Variants in GPHN observed in about 807,000 individuals in gnomAD.
GPHN encodes the protein gephyrin.
In GPHN, 17 loss-of-function variants were observed where a neutral mutation model predicts 95.5. The ratio of observed to expected loss-of-function variants is 0.18; its 90% CI spans 0.12 to 0.27. The LOEUF (loss-of-function observed/expected upper bound fraction) is 0.27. GPHN is among the 10% of genes least tolerant of loss of function. The pLI is 1.00. For missense variants in GPHN, 660 were observed against 978.1 expected (o/e 0.67, Z 4.34); for synonymous variants, 320 against 322.5 (o/e 0.99, Z 0.08).
At chr14:67,330,178 G>A in the GPHN span, among the ~76,000 whole-genome samples, 3 of 149,242 alleles carry the variant, frequency 2.0e-5, no homozygotes, top group Non-Finnish European at 4.5e-5. Flanking sequence ...TTATCAAAAG[G>A]AATAATCAGA....
chr14:66,579,841 G>T (rs1027743024), intron 1 of GPHN, among the ~76,000 whole-genome samples: 1 of 151,754 alleles, frequency 6.6e-6, no homozygotes, highest in Non-Finnish European at 1.5e-5. Context: ...AATTTGATAT[G>T]TGGACTTCAA....
intron 1 of GPHN, among the ~76,000 whole-genome samples, chr14:66,591,510 T>A (rs560036199): frequency 6.9e-6 from 1 of 143,984 alleles, no homozygotes; most frequent in South Asian, 2.3e-4. Flanking sequence ...TATACATCAA[T>A]AATAGAGAAA....
chr14:67,103,461 T>C (rs930688204), intron 13 of GPHN, among the ~76,000 whole-genome samples: 2 of 151,510 alleles, frequency 1.3e-5, no homozygotes, highest in African/African-American at 4.8e-5. Flanking sequence ...ATGGTCATTT[T>C]CACAGTATTA....
the GPHN span, among the ~76,000 whole-genome samples, chr14:67,440,378 T>C: frequency 6.6e-6 from 1 of 151,896 alleles, no homozygotes; most frequent in Non-Finnish European, 1.5e-5. Flanking sequence ...ACACTGAAAC[T>C]GTTAGCTGTA....
At chr14:67,233,797 C>T in the GPHN span, among the ~76,000 whole-genome samples, 1 of 152,078 alleles carries the variant, frequency 6.6e-6, no homozygotes, top group Non-Finnish European at 1.5e-5. Context: ...TGAAAGAACA[C>T]CTGGATAACT....
rs188486033 is a variant in GPHN, at chr14:66,818,516, G to A, written c.202-5958G>A. 3.0e-3 allele frequency among the ~76,000 whole-genome samples: 455 copies of A among 152,174 alleles called. 3 individuals are homozygous for A. Among genetic ancestry groups the A allele is most frequent in the African/African-American group, 0.011 (437 of 41,498 alleles). On this transcript the variant is annotated intron_variant, in intron 3 of 22. Coordinates refer to ENST00000478722, the MANE Select transcript of GPHN (RefSeq NM_020806.5). Reference sequence around the variant, plus strand: ...TCAGTCTGTCATTGATGGGCATTTGGGTTGTTCCCATGTCTTTGCTATTGT... The same window carrying A: ...TCAGTCTGTCATTGATGGGCATTTGAGTTGTTCCCATGTCTTTGCTATTGT...
chr14:67,388,251 C>G, the GPHN span: 2 of 1,613,364 alleles, frequency 1.2e-6, no homozygotes, highest in Non-Finnish European at 8.5e-7. Context: ...TCTTCCAGAG[C>G]AGACACGAGT....
intron 11 of GPHN, among the ~76,000 whole-genome samples, chr14:67,086,651 A>G (rs1276903793): frequency 2.4e-5 from 3 of 127,200 alleles, no homozygotes; most frequent in Non-Finnish European, 5.4e-5. Flanking sequence ...CTCTGTCTCA[A>G]AAAAAAAAAA....
At chr14:67,321,116 C>T in the GPHN span, 21 of 1,613,970 alleles carry the variant, frequency 1.3e-5, no homozygotes, top group East Asian at 2.2e-5. Context: ...CTTTGTTTCG[C>T]GGCAAGCATT....
At chr14:67,130,869 T>C (rs2079655152) in intron 17 of GPHN, among the ~76,000 whole-genome samples, 1 of 152,218 alleles carries the variant, frequency 6.6e-6, no homozygotes, top group South Asian at 2.1e-4. Flanking sequence ...TAAATGATCA[T>C]ATCCCTAAAC....
At chr14:67,352,899 T>C in the GPHN span, 9 of 1,505,254 alleles carry the variant, frequency 6.0e-6, no homozygotes, top group Middle Eastern at 1.7e-4. Flanking sequence ...AAATAAATAC[T>C]ATTCTAAGAA....
At chr14:67,625,850 G>T in the GPHN span, among the ~76,000 whole-genome samples, 1 of 151,540 alleles carries the variant, frequency 6.6e-6, no homozygotes, top group South Asian at 2.1e-4. Flanking sequence ...AATAACAACC[G>T]TAAAAAGACA....
chr14:66,689,623 A>T (rs1475594641), intron 2 of GPHN, among the ~76,000 whole-genome samples: 1 of 152,164 alleles, frequency 6.6e-6, no homozygotes, highest in Non-Finnish European at 1.5e-5. Context: ...AGACATATTG[A>T]TTTTAATTCT....
the GPHN span, chr14:67,323,898 C>T: frequency 1.4e-6 from 1 of 702,086 alleles, no homozygotes; most frequent in Non-Finnish European, 2.4e-6. Flanking sequence ...TTAAAAGCTA[C>T]ATTAGCTTGA....
At chr14:67,590,623 T>C in the GPHN span, among the ~76,000 whole-genome samples, 1 of 152,274 alleles carries the variant, frequency 6.6e-6, no homozygotes, top group African/African-American at 2.4e-5. Context: ...CTTCCCAAAG[T>C]GCTGGGATTA....
chr14:66,628,631 C>T (rs1404514693), intron 1 of GPHN, among the ~76,000 whole-genome samples: 4 of 152,098 alleles, frequency 2.6e-5, no homozygotes, highest in Non-Finnish European at 5.9e-5. Flanking sequence ...TACTTAACTA[C>T]ACTAATTATA....
the GPHN span, chr14:67,321,012 A>C: frequency 6.6e-7 from 1 of 1,526,254 alleles, no homozygotes; most frequent in East Asian, 2.3e-5. Flanking sequence ...CCCTGTCCTC[A>C]CTCTAAGCCA....
At chr14:67,337,808 T>G in the GPHN span, 1 of 152,258 alleles carries the variant, frequency 6.6e-6, no homozygotes, top group Non-Finnish European at 1.5e-5. Flanking sequence ...CCTTATTTCT[T>G]ACTCTAAAAT....
At chr14:66,660,907 TCCCACA>T (rs908659211) in intron 1 of GPHN, among the ~76,000 whole-genome samples, 2 of 152,092 alleles carry the variant, frequency 1.3e-5, no homozygotes, top group Non-Finnish European at 2.9e-5. Context: ...ACCATGCCCC[TCCCACA>T]GATCTTTACA....
Sources: gnomAD v4.1 joint callset for allele counts (sites outside exome capture counted in the v4.1 genomes callset) on GRCh38, gnomAD v4.1.1 for gene constraint, MANE v1.5 for transcripts, NCBI Gene and HGNC (gene_info 2026-07-23, HGNC 2026-07-21) for gene names.